ACSBG1: variants seen among roughly 807,000 people sequenced by gnomAD.
The protein encoded by ACSBG1 is long-chain-fatty-acid--CoA ligase ACSBG1.
A neutral mutation model predicts 80.2 loss-of-function variants in ACSBG1; 39 were observed. The observed-to-expected ratio is 0.49, with a 90% CI of 0.38 to 0.64. The LOEUF is 0.64. ACSBG1 is among the 30% of genes least tolerant of loss of function. ACSBG1 has a pLI of 0.00. For synonymous variants in ACSBG1, 392 were observed against 379.5 expected (o/e 1.03, Z -0.38); for missense variants, 828 against 966.4 (o/e 0.86, Z 1.90).
chr15:78,198,800 T>A (rs1439697934), intron 2 of ACSBG1, among the ~76,000 whole-genome samples: 2 of 152,238 alleles, frequency 1.3e-5, no homozygotes, highest in Non-Finnish European at 2.9e-5. Flanking sequence ...TTGCTTTTTA[T>A]GAAAAATAAG....
In ACSBG1 at chr15:78,178,335, G is replaced by C. The variant is rs570909866; in HGVS notation, c.1702+279C>G. Among the ~76,000 whole-genome samples the C allele has an allele frequency of 6.6e-6, 1 of 152,196 alleles. No homozygotes were observed. The highest frequency in any genetic ancestry group is 2.4e-5 in the African/African-American group (1 of 41,518). On this transcript the variant is annotated intron_variant, in intron 11 of 13. Coordinates refer to ENST00000258873, the MANE Select transcript of ACSBG1 (RefSeq NM_015162.5). This position sits in a 1 kb window ranked among gnomAD's most constrained non-coding sequence, Gnocchi z 4.3. ...GTTTTTGGAGACAGAGTCTAGCTCT[G>C]TCTCCCAGGCTGGTGTGCAAAGAGG...
chr15:78,213,070 A>G (rs932065630), intron 1 of ACSBG1, among the ~76,000 whole-genome samples: 9 of 152,116 alleles, frequency 5.9e-5, no homozygotes, highest in Admixed American at 4.6e-4. Flanking sequence ...TGACTCCCCA[A>G]TGGCTGGAGA....
At chr15:78,221,405 T>C (rs972591564) in intron 1 of ACSBG1, among the ~76,000 whole-genome samples, 1 of 152,200 alleles carries the variant, frequency 6.6e-6, no homozygotes, top group Non-Finnish European at 1.5e-5. Flanking sequence ...TGTTTCTCTT[T>C]ACCCAAACAT....
chr15:78,232,689 T>TC (rs201068340), intron 1 of ACSBG1, among the ~76,000 whole-genome samples: 57 of 147,922 alleles, frequency 3.9e-4, no homozygotes, highest in African/African-American at 1.4e-3. Flanking sequence ...TTTTTCTTCT[T>TC]TTTTTTTTTT....
intron 1 of ACSBG1, chr15:78,212,600 G>A (rs1240483203): frequency 2.2e-6 from 1 of 455,904 alleles, no homozygotes. Flanking sequence ...CTCTGGCATG[G>A]TGCCTGGGGG....
chr15:78,232,213 G>A (rs1260298840), intron 1 of ACSBG1, among the ~76,000 whole-genome samples: 1 of 152,216 alleles, frequency 6.6e-6, no homozygotes, highest in Non-Finnish European at 1.5e-5. Flanking sequence ...TGAAGTTCAG[G>A]CGTTGTATAT....
chr15:78,226,945 G>T (rs1310809807), intron 1 of ACSBG1, among the ~76,000 whole-genome samples: 1 of 150,798 alleles, frequency 6.6e-6, no homozygotes, highest in Non-Finnish European at 1.5e-5. Flanking sequence ...ATTGGCCAGG[G>T]GTGGTGGCTC....
At chr15:78,225,887 A>G (rs375527384) in intron 1 of ACSBG1, among the ~76,000 whole-genome samples, 14 of 152,366 alleles carry the variant, frequency 9.2e-5, no homozygotes, top group South Asian at 8.3e-4. Context: ...CCAGGGCTGC[A>G]GTCTTCATAT....
chr15:78,193,793 C>T (rs1595888878), intron 4 of ACSBG1, 139 bp downstream of exon 4: 1 of 1,420,638 alleles, frequency 7.0e-7, no homozygotes, highest in Non-Finnish European at 9.5e-7. Flanking sequence ...GCGCCAGATG[C>T]AGGTCCACCA....
chr15:78,196,915 T>A (rs1310556664), intron 2 of ACSBG1, among the ~76,000 whole-genome samples: 1 of 147,778 alleles, frequency 6.8e-6, no homozygotes, highest in African/African-American at 2.5e-5. Context: ...AAAAAAAAAA[T>A]TAGCAGGGCA....
At position 78,207,973 on chromosome 15, in the gene ACSBG1, C is replaced by T. The variant is rs765790544; in HGVS notation, c.232+29G>A. ...CAGCACAGCACAGTTTCCCGCCCTG[C>T]CCCACCCTACCACCCCCAGCTGGCT... On this transcript the variant is annotated intron_variant, in intron 2 of 13. Transcript: ENST00000258873. 3.8e-6 allele frequency: 4 copies of T among 1,042,754 alleles called. No homozygotes were observed. The South Asian group carries it at 5.1e-5, about 13-fold the overall frequency. 64.6% of individuals were successfully genotyped at this position (1,042,754 alleles called of 1,614,324 possible).
chr15:78,203,205 C>T (rs1319912195), intron 2 of ACSBG1, among the ~76,000 whole-genome samples: 1 of 152,106 alleles, frequency 6.6e-6, no homozygotes, highest in East Asian at 1.9e-4. Flanking sequence ...TGTCCCATGC[C>T]CAAACTAAGA....
At chr15:78,179,518 G>A in intron 10 of ACSBG1, 32 bp downstream of exon 10, 2 of 1,583,848 alleles carry the variant, frequency 1.3e-6, no homozygotes. Context: ...GGGCGCATGG[G>A]TGTGCATGTG....
At chr15:78,199,658 C>CTTT (rs1221257567) in intron 2 of ACSBG1, among the ~76,000 whole-genome samples, 1 of 138,282 alleles carries the variant, frequency 7.2e-6, no homozygotes, top group Non-Finnish European at 1.6e-5. Context: ...CCATTCCCAG[C>CTTT]TTTTTTTTTT....
chr15:78,228,022 A>G (rs891537802), intron 1 of ACSBG1, among the ~76,000 whole-genome samples: 1 of 152,222 alleles, frequency 6.6e-6, no homozygotes, highest in Admixed American at 6.5e-5. Flanking sequence ...CCTCCTGAGT[A>G]GCTGGGATTA....
At chr15:78,198,967 A>C (rs920070673) in intron 2 of ACSBG1, among the ~76,000 whole-genome samples, 30 of 152,260 alleles carry the variant, frequency 2.0e-4, no homozygotes, top group Non-Finnish European at 3.7e-4. Flanking sequence ...TGCAAATGAA[A>C]CCAGAGGCAG....
At chr15:78,205,332 A>G (rs1471627793) in intron 2 of ACSBG1, among the ~76,000 whole-genome samples, 3 of 152,034 alleles carry the variant, frequency 2.0e-5, no homozygotes, top group South Asian at 2.1e-4. Context: ...TGGGACCTCA[A>G]AGAGATCTGG....
At position 78,181,818 on chromosome 15, in the gene ACSBG1, C is replaced by A. The variant is rs565208094; in HGVS notation, c.1071+151G>T. 53 of 1,051,276 alleles carry A rather than the reference C, an allele frequency of 5.0e-5. No homozygotes were observed. The African/African-American group carries it at 6.4e-4, about 13-fold the overall frequency. The allele number at this position is 1,051,276 out of a possible 1,614,324, so 65.1% of individuals were successfully genotyped here. ...TAGTTTCCCTTCTTGTTTGGTCATT[C>A]GAGTCAGGCTGTGCCCACTGCAGCT... On this transcript the variant is annotated intron_variant, in intron 8 of 13. Transcript: ENST00000258873.
intron 1 of ACSBG1, among the ~76,000 whole-genome samples, chr15:78,229,013 CAT>C (rs2075425820): frequency 6.6e-6 from 1 of 151,778 alleles, no homozygotes; most frequent in Non-Finnish European, 1.5e-5. Flanking sequence ...ATACACATAA[CAT>C]AAAATTTTCC....
Sources: allele counts gnomAD v4.1 joint callset (sites outside exome capture counted in the v4.1 genomes callset), GRCh38; gene constraint gnomAD v4.1.1; non-coding constraint Gnocchi (gnomAD v3.1); transcripts MANE v1.5; gene names NCBI Gene and HGNC (gene_info 2026-07-23, HGNC 2026-07-21).